Variants in THOC7 observed in about 807,000 individuals in gnomAD.
THOC7 encodes the protein THO complex subunit 7.
In THOC7, 22 loss-of-function variants were observed where a neutral mutation model predicts 33.1. The ratio of observed to expected loss-of-function variants is 0.66; its 90% confidence interval spans 0.47 to 0.95. The LOEUF (loss-of-function observed/expected upper bound fraction) is 0.95, where lower values mean the gene tolerates loss of function less well. Among genes scored for constraint, THOC7 ranks in the 40% least tolerant of loss-of-function variants. The pLI is 0.00. For synonymous variants in THOC7, 77 were observed against 76.8 expected (o/e 1.00, Z -0.01); for missense variants, 184 against 245.3 (o/e 0.75, Z 1.67).
chr3:63,845,115 G>A (rs530277546), intron 1 of THOC7: 2 of 680,528 alleles, frequency 2.9e-6, no homozygotes, highest in Non-Finnish European at 5.3e-6. Flanking sequence ...GGGGTGGGGG[G>A]TACTATCTCC....
At chr3:63,855,815 T>C (rs1251571544) in intron 1 of THOC7, among the ~76,000 whole-genome samples, 2 of 152,136 alleles carry the variant, frequency 1.3e-5, no homozygotes, top group Non-Finnish European at 2.9e-5. Context: ...GATCTACCAG[T>C]GAGGATTAGC....
intron 1 of THOC7, chr3:63,854,486 G>A (rs559312958): frequency 6.6e-6 from 1 of 152,206 alleles, no homozygotes; most frequent in East Asian, 1.9e-4. Context: ...CAGTAAAGAT[G>A]GCTTAGCAGA....
chr3:63,841,371 T>G (rs901873277), intron 1 of THOC7, among the ~76,000 whole-genome samples: 3 of 151,620 alleles, frequency 2.0e-5, no homozygotes, highest in African/African-American at 2.4e-5. Flanking sequence ...ATTTGGGGGG[T>G]TTTCTGTTTT....
intron 1 of THOC7, among the ~76,000 whole-genome samples, chr3:63,862,611 C>CT (rs1702251486): frequency 6.6e-6 from 1 of 152,204 alleles, no homozygotes; most frequent in Non-Finnish European, 1.5e-5. Context: ...CCCACCTCCA[C>CT]TACTCTTTAT....
intron 1 of THOC7, among the ~76,000 whole-genome samples, chr3:63,850,156 T>G (rs1395802406): frequency 1.3e-5 from 2 of 152,220 alleles, no homozygotes; most frequent in Non-Finnish European, 2.9e-5. Context: ...CTATACAGTT[T>G]CACAATCAGT....
intron 1 of THOC7, chr3:63,846,330 C>G: frequency 3.4e-6 from 1 of 296,512 alleles, no homozygotes; most frequent in Non-Finnish European, 6.9e-6. Context: ...GGCCACAGTT[C>G]AAGATTTTCC....
At position 63,838,504 on chromosome 3, in the gene THOC7, T is replaced by A. The variant is rs200825086; in HGVS notation, c.138-5A>T. ...ATACGTTGGTACTGGCTATATCTAA[T>A]GAAAAAGAAAGAAAACCAAAATAAA... On this transcript the variant is annotated splice_polypyrimidine_tract_variant and splice_region_variant and intron_variant, in intron 2 of 7. Coordinates refer to ENST00000295899, the MANE Select transcript of THOC7 (RefSeq NM_025075.4). The A allele has an allele frequency of 6.3e-7, 1 of 1,579,922 alleles. No homozygotes were observed. Among genetic ancestry groups the A allele is most frequent in the Non-Finnish European group, 8.5e-7 (1 of 1,170,982 alleles).
At chr3:63,841,573 T>G (rs777377394) in intron 1 of THOC7, among the ~76,000 whole-genome samples, 2 of 152,208 alleles carry the variant, frequency 1.3e-5, no homozygotes. Context: ...TTAAAATATA[T>G]TGTGATAATA....
chr3:63,863,576 G>A (rs1702292879), intron 1 of THOC7, 196 bp downstream of exon 1: 2 of 1,197,454 alleles, frequency 1.7e-6, no homozygotes, highest in African/African-American at 1.6e-5. Context: ...CTCGGGCTCT[G>A]GCGAGAGGAG....
intron 1 of THOC7, among the ~76,000 whole-genome samples, chr3:63,845,814 C>A (rs1701880305): frequency 6.6e-6 from 1 of 152,090 alleles, no homozygotes; most frequent in Non-Finnish European, 1.5e-5. Flanking sequence ...GCCAGTCTGC[C>A]TTTTTTGTGT....
intron 1 of THOC7, among the ~76,000 whole-genome samples, chr3:63,843,711 T>C (rs1003710990): frequency 1.3e-5 from 2 of 152,098 alleles, no homozygotes; most frequent in South Asian, 2.1e-4. Context: ...CCATCCTGGC[T>C]AACACAGTGA....
In THOC7 at chr3:63,853,646, C is replaced by T. The variant is rs140562418; in HGVS notation, c.19+10126G>A. On this transcript the variant is annotated intron_variant, in intron 1 of 7. Coordinates refer to ENST00000295899, the MANE Select transcript of THOC7 (RefSeq NM_025075.4). Reference sequence around the variant, plus strand: ...ATTCACGGCCGGGCACTATGGCTCACGCCTGTAATCCCAGCACTTTGGGAG... The same window carrying T: ...ATTCACGGCCGGGCACTATGGCTCATGCCTGTAATCCCAGCACTTTGGGAG... Among the ~76,000 whole-genome samples the T allele has an allele frequency of 1.2e-4, 18 of 152,330 alleles. No individual in the cohort carries two copies. The South Asian group carries it at 1.9e-3, about 16-fold the overall frequency.
intron 1 of THOC7, chr3:63,845,134 G>A (rs1176197564): frequency 1.5e-6 from 1 of 651,548 alleles, no homozygotes; most frequent in African/African-American, 1.8e-5. Flanking sequence ...CCTTCATGTA[G>A]CCCTGAGGGT....
intron 1 of THOC7, among the ~76,000 whole-genome samples, chr3:63,854,124 T>C (rs1257253249): frequency 6.6e-6 from 1 of 152,192 alleles, no homozygotes; most frequent in Non-Finnish European, 1.5e-5. Flanking sequence ...CACAGAGAGT[T>C]GCTGCCTAGA....
chr3:63,834,347 G>T, intron 7 of THOC7, 148 bp from the exon 8 acceptor site: 1 of 746,990 alleles, frequency 1.3e-6, no homozygotes. Flanking sequence ...AAATTTATGT[G>T]ATAGACTTCA....
chr3:63,843,866 A>C (rs956543919), intron 1 of THOC7, among the ~76,000 whole-genome samples: 3 of 151,860 alleles, frequency 2.0e-5, no homozygotes, highest in African/African-American at 7.3e-5. Flanking sequence ...ACGCCACTGC[A>C]CTCCAGCCTG....
intron 1 of THOC7, among the ~76,000 whole-genome samples, chr3:63,851,265 A>T (rs1009792326): frequency 1.3e-5 from 2 of 152,358 alleles, no homozygotes; most frequent in Non-Finnish European, 2.9e-5. Flanking sequence ...AGGACACAAT[A>T]AGCTATAAAC....
At chr3:63,862,291 C>T (rs955060856) in intron 1 of THOC7, among the ~76,000 whole-genome samples, 2 of 152,198 alleles carry the variant, frequency 1.3e-5, no homozygotes, top group Non-Finnish European at 2.9e-5. Context: ...TCTATTTATT[C>T]TTCAAAAATG....
intron 1 of THOC7, among the ~76,000 whole-genome samples, chr3:63,842,157 C>T (rs776280329): frequency 6.6e-6 from 1 of 152,034 alleles, no homozygotes; most frequent in Non-Finnish European, 1.5e-5. Flanking sequence ...ATTGAAATGA[C>T]CTGAATAGAC....
Sources: gnomAD v4.1 joint callset for allele counts (sites outside exome capture counted in the v4.1 genomes callset) on GRCh38, gnomAD v4.1.1 for gene constraint, MANE v1.5 for transcripts, NCBI Gene and HGNC (gene_info 2026-07-23, HGNC 2026-07-21) for gene names.